The following NUP210L variants were observed in gnomAD, a reference collection of about 807,000 sequenced individuals.
NUP210L encodes the protein nuclear pore membrane glycoprotein 210-like.
In NUP210L, 74 loss-of-function variants were observed where a neutral mutation model predicts 208.5. The observed-to-expected ratio is 0.35, with a 90% CI of 0.29 to 0.43. NUP210L has a LOEUF of 0.43. NUP210L is among the 20% of genes least tolerant of loss of function. The pLI, the probability that NUP210L is intolerant of heterozygous loss-of-function variation, is 1.00. For missense variants in NUP210L, 1,843 were observed against 2,289.4 expected (o/e 0.81, Z 3.98); for synonymous variants, 780 against 816.9 (o/e 0.95, Z 0.77).
At chr1:154,131,587 T>G (rs1658256394) in intron 7 of NUP210L, among the ~76,000 whole-genome samples, 1 of 152,004 alleles carries the variant, frequency 6.6e-6, no homozygotes, top group South Asian at 2.1e-4. Flanking sequence ...AAAGTATTCG[T>G]TGTGTCTTTT....
At chr1:154,088,486 G>T (rs1211231888) in intron 16 of NUP210L, among the ~76,000 whole-genome samples, 3 of 152,106 alleles carry the variant, frequency 2.0e-5, no homozygotes, top group African/African-American at 7.2e-5. Flanking sequence ...AAATGCCATT[G>T]AATGACAATG....
chr1:154,091,079 T>G (rs1184930191), intron 15 of NUP210L, among the ~76,000 whole-genome samples: 1 of 139,762 alleles, frequency 7.2e-6, no homozygotes, highest in Non-Finnish European at 1.5e-5. Flanking sequence ...CTGTTATTAT[T>G]ATTATTATTA....
chr1:154,039,148 C>A lies in NUP210L; in HGVS notation c.3696+6921G>T, dbSNP rs115178836. 8.6e-3 allele frequency among the ~76,000 whole-genome samples: 1,304 copies of A among 151,608 alleles called. 10 individuals are homozygous for A. Among genetic ancestry groups the A allele is most frequent in the Middle Eastern group, 0.014 (4 of 292 alleles). On this transcript the variant is annotated intron_variant, in intron 27 of 39. Coordinates refer to ENST00000368559, the Ensembl canonical transcript of NUP210L. ...TCTTACTGCCCATTAATGTCCTTTTCTTTCAGATTGTAGTATTCCCACTAG... is the reference window on the plus strand; with the variant it reads ...TCTTACTGCCCATTAATGTCCTTTTATTTCAGATTGTAGTATTCCCACTAG...
At chr1:154,078,859 G>A (rs1655171233) in intron 16 of NUP210L, 1 of 152,134 alleles carries the variant, frequency 6.6e-6, no homozygotes, top group South Asian at 2.1e-4. Flanking sequence ...CACTAAACAA[G>A]AAGGCCATGC....
chr1:154,058,022 C>T, intron 22 of NUP210L, 67 bp downstream of exon 22: 2 of 1,547,172 alleles, frequency 1.3e-6, no homozygotes, highest in Non-Finnish European at 1.8e-6. Context: ...GGAAAGCTGA[C>T]CAGGTCACTA....
At chr1:154,126,858 G>A (rs113212316) in intron 9 of NUP210L, among the ~76,000 whole-genome samples, 112 of 152,178 alleles carry the variant, frequency 7.4e-4, no homozygotes, top group African/African-American at 2.1e-3. Flanking sequence ...TGAAGTTGTA[G>A]AATGAGGACA....
exon 22 of NUP210L, chr1:154,058,094 G>C: frequency 6.2e-7 from 1 of 1,614,054 alleles, no homozygotes; most frequent in Non-Finnish European, 8.5e-7. Flanking sequence ...CTTACGTCAG[G>C]GTGACAATGG....
chr1:154,126,057 C>G (rs948510506), intron 10 of NUP210L, among the ~76,000 whole-genome samples: 2 of 151,838 alleles, frequency 1.3e-5, no homozygotes, highest in Non-Finnish European at 2.9e-5. Flanking sequence ...CGTGAGCCAC[C>G]GCGCCCGGCC....
At chr1:154,124,013 T>C (rs1657753503) in intron 10 of NUP210L, among the ~76,000 whole-genome samples, 1 of 150,588 alleles carries the variant, frequency 6.6e-6, no homozygotes, top group African/African-American at 2.4e-5. Context: ...GAAACCCCCA[T>C]CTCTACTAAA....
At chr1:154,000,017 TAC>T (rs888859672) in intron 37 of NUP210L, among the ~76,000 whole-genome samples, 25 of 151,834 alleles carry the variant, frequency 1.6e-4, no homozygotes, top group Non-Finnish European at 3.2e-4. Flanking sequence ...TTTTTGTTGA[TAC>T]AGAGTTTTGC....
Position 154,030,055 on chromosome 1 carries a change from C to T in NUP210L, c.3697-1G>A. ...GCTCTACTGGGAGCTGTAGAAAAAC[C>T]TAGACAGTGAAGGGATAGATTAAGA... On this transcript the variant is annotated splice_acceptor_variant, in intron 27 of 39. Coordinates refer to ENST00000368559, the Ensembl canonical transcript of NUP210L. LOFTEE classifies it high-confidence loss of function. The T allele has an allele frequency of 6.4e-7, 1 of 1,572,608 alleles. No homozygotes were observed. The highest frequency in any genetic ancestry group is 2.3e-5 in the East Asian group (1 of 42,626).
chr1:154,083,878 G>A (rs771552692), intron 16 of NUP210L, among the ~76,000 whole-genome samples: 1 of 151,802 alleles, frequency 6.6e-6, no homozygotes, highest in Non-Finnish European at 1.5e-5. Flanking sequence ...GGGGGATGAG[G>A]AACCTTTAAT....
intron 12 of NUP210L, among the ~76,000 whole-genome samples, chr1:154,105,383 G>A (rs1656700470): frequency 6.6e-6 from 1 of 151,760 alleles, no homozygotes; most frequent in Admixed American, 6.6e-5. Context: ...CCAGCTATCA[G>A]GAGGCTGAGG....
chr1:154,016,787 T>TACAAA (rs147883535), intron 33 of NUP210L, among the ~76,000 whole-genome samples: 27 of 151,474 alleles, frequency 1.8e-4, no homozygotes, highest in South Asian at 1.5e-3. Context: ...CTATCAAAAA[T>TACAAA]ACAAAACAAA....
chr1:154,047,084 G>T (rs975036342), intron 25 of NUP210L, among the ~76,000 whole-genome samples: 1 of 152,100 alleles, frequency 6.6e-6, no homozygotes, highest in African/African-American at 2.4e-5. Context: ...GTAGAACAAT[G>T]GTTACCAGAG....
At chr1:154,056,901 C>G (rs1571221550) in exon 23 of NUP210L, 1 of 1,609,300 alleles carries the variant, frequency 6.2e-7, no homozygotes, top group South Asian at 1.1e-5. Context: ...ATAGTGGTAG[C>G]TCGAAGAATA....
intron 12 of NUP210L, 55 bp from the exon 13 acceptor site, chr1:154,104,265 AG>A: frequency 6.7e-7 from 1 of 1,483,184 alleles, no homozygotes; most frequent in African/African-American, 1.4e-5. Flanking sequence ...AAGTCTTAGG[AG>A]GAGGAGAAGC....
chr1:154,027,451 A>G, intron 29 of NUP210L, 55 bp downstream of exon 29: 7 of 1,240,418 alleles, frequency 5.6e-6, no homozygotes, highest in Non-Finnish European at 8.1e-6. Flanking sequence ...TCAATGTTTT[A>G]CTGAAAATAC....
At chr1:154,109,081 C>G (rs1030301540) in intron 12 of NUP210L, among the ~76,000 whole-genome samples, 3 of 151,578 alleles carry the variant, frequency 2.0e-5, no homozygotes, top group Non-Finnish European at 2.9e-5. Flanking sequence ...GCCTGGGCAA[C>G]AAGAGTGAAA....
Sources: allele counts gnomAD v4.1 joint callset (sites outside exome capture counted in the v4.1 genomes callset), GRCh38; gene constraint gnomAD v4.1.1; transcripts MANE v1.5; gene names NCBI Gene and HGNC (gene_info 2026-07-23, HGNC 2026-07-21).